The following CHD1 variants were observed in gnomAD, a reference collection of about 807,000 sequenced individuals.
CHD1 encodes the protein ATP-dependent chromatin remodeler CHD1.
Under a neutral mutation model 224.2 loss-of-function variants are expected in CHD1, and 36 were observed. That is an observed-to-expected ratio of 0.16 (90% CI 0.12 to 0.21). The LOEUF is 0.21. CHD1 is among the 10% of genes least tolerant of loss of function. The pLI, the probability that CHD1 is intolerant of heterozygous loss-of-function variation, is 1.00. For synonymous variants in CHD1, 668 were observed against 658.3 expected, an observed-to-expected ratio of 1.01 and a Z score of -0.23; for missense variants, 1,378 against 1,994.8, an observed-to-expected ratio of 0.69 and a Z score of 5.89.
intron 24 of CHD1, 21 bp downstream of exon 24, chr5:98,876,377 G>C: frequency 6.2e-7 from 1 of 1,602,890 alleles, no homozygotes; most frequent in Non-Finnish European, 8.5e-7. Context: ...AAGTTGAAGC[G>C]ATTGTCTTAT....
intron 18 of CHD1, 147 bp downstream of exon 18, chr5:98,885,431 T>C (rs1750583495): frequency 1.6e-6 from 1 of 613,130 alleles, no homozygotes; most frequent in African/African-American, 1.9e-5. Flanking sequence ...ATAGTGACTT[T>C]AAAACCTCAT....
At chr5:98,868,724 T>C in intron 30 of CHD1, 89 bp from the exon 31 acceptor site, 2 of 1,229,616 alleles carry the variant, frequency 1.6e-6, no homozygotes, top group Non-Finnish European at 2.2e-6. Context: ...AATTACTGTC[T>C]CATTTTATTC....
Position 98,861,386 on chromosome 5 carries a change from CT to C in CHD1, c.4428-1319del, listed in dbSNP as rs566016880. ...CAGTCATCTTTAAATAAAAACTAGT[CT>C]TGCATTTCAGTTGTTTTTAAGAAAT... On this transcript the variant is annotated intron_variant, in intron 32 of 35. Coordinates refer to ENST00000614616, the MANE Select transcript of CHD1 (RefSeq NM_001270.4). Among the ~76,000 whole-genome samples, 4 of 152,068 alleles carry C rather than the reference CT, an allele frequency of 2.6e-5. No homozygotes were observed. The South Asian group carries it at 6.2e-4, about 24-fold the overall frequency.
chr5:98,888,548 C>CA (rs1750802477), intron 16 of CHD1, among the ~76,000 whole-genome samples: 2 of 152,140 alleles, frequency 1.3e-5, no homozygotes, highest in African/African-American at 4.8e-5. Context: ...AGAACAATGA[C>CA]ATCAGAAGCA....
At chr5:98,880,588 C>T (rs1180739209) in intron 22 of CHD1, among the ~76,000 whole-genome samples, 1 of 152,150 alleles carries the variant, frequency 6.6e-6, no homozygotes, top group African/African-American at 2.4e-5. Context: ...AGTTGACTTA[C>T]GTTGTTTTAG....
At chr5:98,889,322 G>T in intron 15 of CHD1, 84 bp from the exon 16 acceptor site, 1 of 959,290 alleles carries the variant, frequency 1.0e-6, no homozygotes, top group Non-Finnish European at 1.5e-6. Context: ...AACAAAAAAA[G>T]CCAACGATAG....
At chr5:98,863,094 A>G (rs929447876) in intron 32 of CHD1, among the ~76,000 whole-genome samples, 3 of 152,160 alleles carry the variant, frequency 2.0e-5, no homozygotes, top group African/African-American at 7.2e-5. Flanking sequence ...CAACTTCAAA[A>G]GATATTACTG....
chr5:98,895,918 C>T (rs546523573), intron 12 of CHD1, among the ~76,000 whole-genome samples: 1 of 151,964 alleles, frequency 6.6e-6, no homozygotes, highest in South Asian at 2.1e-4. Flanking sequence ...ACCTCTCATC[C>T]TTGTTAGGCC....
chr5:98,901,638 AAG>A (rs1200921140), intron 5 of CHD1, among the ~76,000 whole-genome samples: 4 of 152,062 alleles, frequency 2.6e-5, no homozygotes, highest in South Asian at 4.1e-4. Flanking sequence ...CCTCTCAAAA[AAG>A]AGATACTAAT....
chr5:98,904,124 G>C (rs1438964539), intron 3 of CHD1, among the ~76,000 whole-genome samples: 1 of 152,072 alleles, frequency 6.6e-6, no homozygotes, highest in Non-Finnish European at 1.5e-5. Flanking sequence ...GAGTTCCACA[G>C]ACAATATTAA....
chr5:98,902,763 G>A (rs969133648), intron 5 of CHD1, 137 bp downstream of exon 5: 1 of 566,558 alleles, frequency 1.8e-6, no homozygotes, highest in East Asian at 2.9e-5. Flanking sequence ...GTGTAATGGT[G>A]TAAATTAACT....
chr5:98,881,489 T>C (rs1276287157), intron 20 of CHD1, 114 bp from the exon 21 acceptor site: 24 of 562,514 alleles, frequency 4.3e-5, no homozygotes, highest in Non-Finnish European at 6.4e-5. Context: ...ATGAAGAAGT[T>C]AGACAAATCA....
chr5:98,855,327 T>C lies in CHD1; in HGVS notation c.*1053A>G, dbSNP rs908991345. 2.0e-5 allele frequency: 3 copies of C among 152,194 alleles called. No homozygotes were observed. The highest frequency in any genetic ancestry group is 3.2e-3 in the Middle Eastern group (1 of 316). 9.4% of individuals were successfully genotyped at this position (152,194 alleles called of 1,614,324 possible). A position where few individuals can be genotyped will look rare whatever the true frequency, so the allele number is the denominator to read the frequency against. Reference sequence around the variant, plus strand: ...AATGTTAACCTGGCTGCATAGCACATTTGACATTATTGCCCACATAAAACG... The same window carrying C: ...AATGTTAACCTGGCTGCATAGCACACTTGACATTATTGCCCACATAAAACG... On this transcript the variant is annotated 3_prime_UTR_variant, in exon 36 of 36. Transcript: ENST00000614616.
chr5:98,877,379 A>G (rs1172687142), intron 23 of CHD1, among the ~76,000 whole-genome samples: 1 of 152,250 alleles, frequency 6.6e-6, no homozygotes, highest in East Asian at 1.9e-4. Flanking sequence ...AGAATGATGT[A>G]CACTGTGATA....
At position 98,926,242 on chromosome 5, in the gene CHD1, G is replaced by A. The variant is rs1246275215; in HGVS notation, c.53+92C>T. The A allele has an allele frequency of 7.5e-6, 6 of 796,202 alleles. No homozygotes were observed. In the Admixed American group the frequency reaches 1.5e-4, roughly 20 times the overall value. The allele number at this position is 796,202 out of a possible 1,614,324, so 49.3% of individuals were successfully genotyped here. ...AACCTGAAAACTCTGCTACCTATGA[G>A]GAAAACTAAATAACAACAATAACAA... On this transcript the variant is annotated intron_variant, in intron 2 of 35. Coordinates refer to ENST00000614616, the MANE Select transcript of CHD1 (RefSeq NM_001270.4).
At chr5:98,894,762 T>A in intron 12 of CHD1, 76 bp from the exon 13 acceptor site, 1 of 629,072 alleles carries the variant, frequency 1.6e-6, no homozygotes, top group Admixed American at 3.0e-5. Flanking sequence ...ATCTAAAAAT[T>A]AAAATCCATT....
At chr5:98,882,314 A>T (rs1243368640) in intron 19 of CHD1, among the ~76,000 whole-genome samples, 191 bp from the exon 20 acceptor site, 1 of 151,610 alleles carries the variant, frequency 6.6e-6, no homozygotes, top group Non-Finnish European at 1.5e-5. Context: ...TTTTGAAACT[A>T]TATCCTTCCT....
chr5:98,892,778 C>A (rs1580447083), intron 14 of CHD1, 65 bp from the exon 15 acceptor site: 3 of 959,406 alleles, frequency 3.1e-6, no homozygotes, highest in Admixed American at 3.4e-5. Flanking sequence ...TGTGTATGAA[C>A]TTTTTTTTTT....
chr5:98,863,326 CAG>C, intron 32 of CHD1, 80 bp downstream of exon 32: 1 of 767,584 alleles, frequency 1.3e-6, no homozygotes, highest in Non-Finnish European at 1.9e-6. Context: ...ACCTAAACTT[CAG>C]AATCAGGAAA....
Sources: allele counts gnomAD v4.1 joint callset (sites outside exome capture counted in the v4.1 genomes callset), GRCh38; gene constraint gnomAD v4.1.1; transcripts MANE v1.5; gene names NCBI Gene and HGNC (gene_info 2026-07-23, HGNC 2026-07-21).